The following METRNL variants were observed in gnomAD, a reference collection of about 807,000 sequenced individuals.
METRNL encodes the protein meteorin like, glial cell differentiation regulator.
In METRNL, 9 loss-of-function variants were observed where a neutral mutation model predicts 17.4. The ratio of observed to expected loss-of-function variants is 0.52; its 90% CI spans 0.31 to 0.90. The LOEUF (loss-of-function observed/expected upper bound fraction) is 0.90. Among genes scored for constraint, METRNL ranks in the 40% least tolerant of loss-of-function variants. METRNL has a pLI of 0.05. For missense variants in METRNL, 408 were observed against 430.7 expected, an observed-to-expected ratio of 0.95 and a Z score of 0.47; for synonymous variants, 215 against 199.3, an observed-to-expected ratio of 1.08 and a Z score of -0.66.
chr17:83,080,444 G>A (rs1464021924), intron 1 of METRNL, among the ~76,000 whole-genome samples: 4 of 150,252 alleles, frequency 2.7e-5, no homozygotes, highest in African/African-American at 9.7e-5. Context: ...GGCCACTTCC[G>A]TCTCGGGGAG....
At chr17:83,080,915 A>C (rs1009918402) in intron 1 of METRNL, among the ~76,000 whole-genome samples, 2 of 150,040 alleles carry the variant, frequency 1.3e-5, no homozygotes, top group African/African-American at 4.9e-5. Flanking sequence ...ATGTCGAGCG[A>C]AGCTGTTTTC....
chr17:83,086,646 C>G lies in METRNL; in HGVS notation c.556+1323C>G, dbSNP rs531962904. Among the ~76,000 whole-genome samples, 5 of 152,322 alleles carry G rather than the reference C, an allele frequency of 3.3e-5. No individual in the cohort carries two copies. In the South Asian group the frequency reaches 6.2e-4, roughly 19 times the overall value. On this transcript the variant is annotated intron_variant, in intron 2 of 3. Coordinates refer to ENST00000320095, the MANE Select transcript of METRNL (RefSeq NM_001004431.3). Reference sequence around the variant, plus strand: ...TGTTAGGAACTTGCAAACATTCTTTCTGCTGATTAAAGTGGTGATTGGTCT... The same window carrying G: ...TGTTAGGAACTTGCAAACATTCTTTGTGCTGATTAAAGTGGTGATTGGTCT...
chr17:83,087,592 C>CA (rs1480893555), intron 2 of METRNL, among the ~76,000 whole-genome samples: 2 of 152,216 alleles, frequency 1.3e-5, no homozygotes, highest in Non-Finnish European at 2.9e-5. Context: ...TTTAATGCTG[C>CA]AGGAATGGGT....
intron 1 of METRNL, among the ~76,000 whole-genome samples, chr17:83,080,876 G>C (rs1302944760): frequency 2.7e-5 from 4 of 150,636 alleles, no homozygotes; most frequent in African/African-American, 4.9e-5. Context: ...CCCCGCCCCC[G>C]CCCCCGCCGC....
intron 3 of METRNL, among the ~76,000 whole-genome samples, chr17:83,093,660 G>T (rs1169899190): frequency 1.3e-5 from 2 of 152,046 alleles, no homozygotes; most frequent in Non-Finnish European, 2.9e-5. Flanking sequence ...CGGCTCTGCG[G>T]CTCTGCAGGA....
chr17:83,083,830 T>G (rs2143617539), intron 1 of METRNL, among the ~76,000 whole-genome samples: 1 of 152,360 alleles, frequency 6.6e-6, no homozygotes, highest in Admixed American at 6.5e-5. Context: ...ACAGCATTGC[T>G]TATTTCACAT....
rs75858801 is a variant in METRNL at position 83,088,544 on chromosome 17, A to G, written c.556+3221A>G. Among the ~76,000 whole-genome samples, 80 of 152,246 alleles carry G rather than the reference A, an allele frequency of 5.3e-4. No individual in the cohort carries two copies. The East Asian group carries it at 0.013, about 25-fold the overall frequency. On this transcript the variant is annotated intron_variant, in intron 2 of 3. Transcript: ENST00000320095. ...TGCAGGCTCTGTGTAAGGCCCCCCA[A>G]TGCAGGCCCCAGTGAGCAGGTGCCC...
Position 83,084,946 on chromosome 17 carries a change from C to T in METRNL, c.179C>T (p.Thr60Met), listed in dbSNP as rs370020717. 81 of 1,610,560 alleles carry T rather than the reference C, an allele frequency of 5.0e-5. No individual in the cohort carries two copies. Among genetic ancestry groups the T allele is most frequent in the Middle Eastern group, 3.3e-4 (2 of 6,046 alleles). Reference sequence around the variant, plus strand: ...GTGTCTCTCCTCTGCAGCGGGCTGACGCACGAGGCACACAGGAAGGAGGTG... The same window carrying T: ...GTGTCTCTCCTCTGCAGCGGGCTGATGCACGAGGCACACAGGAAGGAGGTG... ...DRCSWKGSGLTHEAHRKEVEQ... is the reference protein window; with the variant it reads ...DRCSWKGSGLMHEAHRKEVEQ... The change falls in exon 2 of 4, where the codon ACG (threonine) becomes ATG (methionine). Residue 60 changes from threonine (T) to methionine (M), a missense_variant. Transcript: ENST00000320095.
At chr17:83,080,601 CTTTTTTTTTTT>C (rs563834169) in intron 1 of METRNL, among the ~76,000 whole-genome samples, 6 of 52,148 alleles carry the variant, frequency 1.2e-4, no homozygotes, top group South Asian at 8.5e-4. Context: ...CGGCCGAGGA[CTTTTTTTTTTT>C]TTTTTTTTTT....
intron 2 of METRNL, among the ~76,000 whole-genome samples, chr17:83,088,950 C>T (rs918365079): frequency 1.3e-5 from 2 of 152,134 alleles, no homozygotes; most frequent in African/African-American, 4.8e-5. Flanking sequence ...CTGCTTGGTG[C>T]CTTCTCTCCG....
intron 2 of METRNL, among the ~76,000 whole-genome samples, chr17:83,090,593 C>T (rs948449959): frequency 2.0e-5 from 3 of 147,660 alleles, no homozygotes; most frequent in African/African-American, 7.6e-5. Context: ...TGCAGGACCG[C>T]CTGGCCCAGC....
chr17:83,087,031 G>A (rs982998909), intron 2 of METRNL, among the ~76,000 whole-genome samples: 1 of 152,162 alleles, frequency 6.6e-6, no homozygotes, highest in South Asian at 2.1e-4. Flanking sequence ...GTTGCAGGGA[G>A]GCAGCGGCCT....
chr17:83,083,503 T>A (rs1005253507), intron 1 of METRNL, among the ~76,000 whole-genome samples: 1 of 152,200 alleles, frequency 6.6e-6, no homozygotes, highest in African/African-American at 2.4e-5. Context: ...AGCACGATCA[T>A]CGTGCCCTTG....
chr17:83,092,561 T>C (rs1260179848), intron 2 of METRNL: 1 of 91,540 alleles, frequency 1.1e-5, no homozygotes, highest in Non-Finnish European at 2.1e-5. Context: ...CGCCGTGGGC[T>C]GTGGAGGTGG....
At position 83,094,279 on chromosome 17, in the gene METRNL, G is replaced by A. The variant is rs553067639; in HGVS notation, c.640G>A (p.Val214Ile). ...DFAVRGSIQQVTHEPERQDSA... is the reference protein window; with the variant it reads ...DFAVRGSIQQITHEPERQDSA... ...AGCCGTTCGAGGCTCCATCCAGCAA[G>A]TTACCCACGAGCCTGAGCGGCAGGA... The change falls in exon 4 of 4, where the codon GTT (valine) becomes ATT (isoleucine). Residue 214 changes from valine to isoleucine, a missense_variant. Transcript: ENST00000320095. The A allele has an allele frequency of 3.2e-6, 5 of 1,581,872 alleles. No homozygotes were observed. The highest frequency in any genetic ancestry group is 1.3e-5 in the African/African-American group (1 of 74,452).
Position 83,079,840 on chromosome 17 carries a change from TGG to T in METRNL, c.29_30del (p.Gly10AlafsTer82). Reference sequence around the variant, plus strand: ...CATGCGGGGCGCGGCGCGGGCGGCCTGGGGGCGCGCGGGGCAGCCGTGGCCGC... The same window carrying T: ...CATGCGGGGCGCGGCGCGGGCGGCCTGGGCGCGCGGGGCAGCCGTGGCCGC... MRGAARAA[W>X]GRAGQPWPRP... On this transcript the variant is annotated frameshift_variant, in exon 1 of 4. Transcript: ENST00000320095. LOFTEE classifies it high-confidence loss of function. 1 of 954,310 alleles carries T rather than the reference TGG, an allele frequency of 1.0e-6. No individual in the cohort carries two copies. The highest frequency in any genetic ancestry group is 1.2e-6 in the Non-Finnish European group (1 of 816,062). The allele number at this position is 954,310 out of a possible 1,614,324, so 59.1% of individuals were successfully genotyped here. A position where few individuals can be genotyped will look rare whatever the true frequency, so the allele number is the denominator to read the frequency against.
intron 1 of METRNL, chr17:83,084,668 C>T (rs991700144): frequency 1.9e-6 from 1 of 528,494 alleles, no homozygotes; most frequent in Admixed American, 3.6e-5. Flanking sequence ...ACAAGCACCG[C>T]CTGCACTCCC....
chr17:83,081,234 C>T (rs2037983625), intron 1 of METRNL, among the ~76,000 whole-genome samples: 1 of 151,942 alleles, frequency 6.6e-6, no homozygotes, highest in Admixed American at 6.5e-5. Flanking sequence ...AGGCCGACGG[C>T]TCTTCTGGGG....
chr17:83,093,098 A>AC, intron 2 of METRNL, 69 bp from the exon 3 acceptor site: 1 of 1,348,574 alleles, frequency 7.4e-7, no homozygotes, highest in East Asian at 2.3e-5. Context: ...GGATCCTTTG[A>AC]CGGTGGTGGG....
Sources: gnomAD v4.1 joint callset for allele counts (sites outside exome capture counted in the v4.1 genomes callset) on GRCh38, gnomAD v4.1.1 for gene constraint, MANE v1.5 for transcripts, NCBI Gene and HGNC (gene_info 2026-07-23, HGNC 2026-07-21) for gene names.